The following SPTAN1 variants were observed in gnomAD, a reference collection of about 807,000 sequenced individuals.
SPTAN1 encodes the protein spectrin alpha, non-erythrocytic 1.
A neutral mutation model predicts 331.3 loss-of-function variants in SPTAN1; 61 were observed. The observed-to-expected ratio is 0.18, with a 90% CI of 0.15 to 0.23. SPTAN1 has a LOEUF of 0.23. Among genes scored for constraint, SPTAN1 ranks in the 10% least tolerant of loss-of-function variants. The probability of loss-of-function intolerance (pLI) is 1.00; values close to 1 mark genes in which losing one functional copy is unlikely to be tolerated. For missense variants in SPTAN1, 2,043 were observed against 3,147.9 expected (o/e 0.65, Z 8.40); for synonymous variants, 1,153 against 1,173.9 (o/e 0.98, Z 0.36).
chr9:128,559,362 G>T (rs1849019957), intron 1 of SPTAN1, among the ~76,000 whole-genome samples: 1 of 152,140 alleles, frequency 6.6e-6, no homozygotes, highest in African/African-American at 2.4e-5. Flanking sequence ...TGGAACCTTT[G>T]CGATATTATG....
At chr9:128,608,086 T>TGCTGAAGG in intron 33 of SPTAN1, 37 bp downstream of exon 33, 1 of 1,614,166 alleles carries the variant, frequency 6.2e-7, no homozygotes, top group Non-Finnish European at 8.5e-7. Flanking sequence ...AGTGTTTCCT[T>TGCTGAAGG]GCTGAAGGGC....
chr9:128,568,822 A>C lies in SPTAN1; in HGVS notation c.288A>C (p.Ser96=). The change falls in exon 3 of 57, where the codon TCA becomes TCC. Residue 96 remains serine (S), a synonymous_variant. Coordinates refer to ENST00000372739, the MANE Select transcript of SPTAN1 (RefSeq NM_001130438.3). The part of the protein sequence containing the change: ...QAFEAEVQAN[S]GAIVKLDETG... ...TTGAAGCTGAAGTGCAGGCCAACTC[A>C]GGAGCCATTGTTAAGCTGGATGAAA... 1 of 1,614,176 alleles carries C rather than the reference A, an allele frequency of 6.2e-7. No homozygotes were observed. The highest frequency in any genetic ancestry group is 8.5e-7 in the Non-Finnish European group (1 of 1,180,016).
Position 128,555,459 on chromosome 9 carries a change from A to AGGCAT in SPTAN1, c.-4+2764_-4+2768dup, listed in dbSNP as rs1207630810. On this transcript the variant is annotated intron_variant, in intron 1 of 56. Transcript: ENST00000372739. The stretch of plus-strand genomic sequence containing the variant: ...TTTGGTTTTGCCTGGCTTGCAGTGA[A>AGGCAT]GGCATATTCGTGTCAAAGAGGTTGA... 4 of 1,249,874 alleles carry AGGCAT rather than the reference A, an allele frequency of 3.2e-6. No homozygotes were observed. The Admixed American group carries it at 9.2e-5, about 29-fold the overall frequency. 77.4% of individuals were successfully genotyped at this position (1,249,874 alleles called of 1,614,324 possible).
Position 128,627,763 on chromosome 9 carries a change from C to A in SPTAN1, c.6690-162C>A. The A allele has an allele frequency of 1.0e-6, 1 of 982,856 alleles. No individual in the cohort carries two copies. Among genetic ancestry groups the A allele is most frequent in the Non-Finnish European group, 1.6e-6 (1 of 612,218 alleles). The allele number at this position is 982,856 out of a possible 1,614,324, so 60.9% of individuals were successfully genotyped here. A position where few individuals can be genotyped will look rare whatever the true frequency, so the allele number is the denominator to read the frequency against. The stretch of plus-strand genomic sequence containing the variant: ...ACCATGCAGGGCGCGTGGTCAGCCC[C>A]AGCCATGACTTGGTGACAGACGATG... On this transcript the variant is annotated intron_variant, in intron 50 of 56. Coordinates refer to ENST00000372739, the MANE Select transcript of SPTAN1 (RefSeq NM_001130438.3). This position sits in a 1 kb window ranked among gnomAD's most constrained non-coding sequence, Gnocchi z 4.9.
rs539026038 is a variant in SPTAN1 at position 128,614,741 on chromosome 9, C to T, written c.5149-891C>T. Among the ~76,000 whole-genome samples the T allele has an allele frequency of 1.6e-4, 24 of 152,140 alleles. No homozygotes were observed. The South Asian group carries it at 2.7e-3, about 17-fold the overall frequency. On this transcript the variant is annotated intron_variant, in intron 40 of 56. Transcript: ENST00000372739. ...AGTGTGTGTGTCATGATCACACCACCGCACTCTTGGATGACAGAGCAAGGA... is the reference window on the plus strand; with the variant it reads ...AGTGTGTGTGTCATGATCACACCACTGCACTCTTGGATGACAGAGCAAGGA...
rs1857054636 is a variant in SPTAN1 at position 128,615,489 on chromosome 9, G to A, written c.5149-143G>A. The A allele has an allele frequency of 5.0e-6, 4 of 801,458 alleles. No homozygotes were observed. In the Admixed American group the frequency reaches 6.0e-5, roughly 12 times the overall value. 49.6% of individuals were successfully genotyped at this position (801,458 alleles called of 1,614,324 possible). On this transcript the variant is annotated intron_variant, in intron 40 of 56. Coordinates refer to ENST00000372739, the MANE Select transcript of SPTAN1 (RefSeq NM_001130438.3). Reference sequence around the variant, plus strand: ...TTATAATGTTATGAAAATAGTGTGAGTTGATAGAATGCCAGAGGTCCACAT... The same window carrying A: ...TTATAATGTTATGAAAATAGTGTGAATTGATAGAATGCCAGAGGTCCACAT...
At chr9:128,559,643 A>G (rs528500533) in intron 1 of SPTAN1, among the ~76,000 whole-genome samples, 6 of 152,284 alleles carry the variant, frequency 3.9e-5, no homozygotes, top group African/African-American at 9.6e-5. Context: ...TTTCCATCTT[A>G]ACTGTTTCCT....
rs570186441 is a variant in SPTAN1, at chr9:128,609,598, T to C, written c.4759-53T>C. On this transcript the variant is annotated intron_variant, in intron 36 of 56. Transcript: ENST00000372739. Reference sequence around the variant, plus strand: ...ATGAGTTTCTATTTAATAGCTGATATGTGTGTCCACATCAGTGTACTGAAC... The same window carrying C: ...ATGAGTTTCTATTTAATAGCTGATACGTGTGTCCACATCAGTGTACTGAAC... 98 of 1,441,012 alleles carry C rather than the reference T, an allele frequency of 6.8e-5. No homozygotes were observed. The African/African-American group carries it at 9.6e-4, about 14-fold the overall frequency. 89.3% of individuals were successfully genotyped at this position (1,441,012 alleles called of 1,614,324 possible). A position where few individuals can be genotyped will look rare whatever the true frequency, so the allele number is the denominator to read the frequency against.
chr9:128,633,506 C>G lies in SPTAN1; in HGVS notation c.*172C>G. 2 of 1,210,844 alleles carry G rather than the reference C, an allele frequency of 1.7e-6. No individual in the cohort carries two copies. Among genetic ancestry groups the G allele is most frequent in the Non-Finnish European group, 2.4e-6 (2 of 841,574 alleles). 75.0% of individuals were successfully genotyped at this position (1,210,844 alleles called of 1,614,324 possible). A position where few individuals can be genotyped will look rare whatever the true frequency, so the allele number is the denominator to read the frequency against. On this transcript the variant is annotated 3_prime_UTR_variant, in exon 57 of 57. Transcript: ENST00000372739. The stretch of plus-strand genomic sequence containing the variant: ...CCGCTTCCGGTCCAGTCACAATCAT[C>G]ATGTCACTGTGGGGACCCAGATCTG...
chr9:128,578,755 G>C (rs1287762087), intron 9 of SPTAN1, among the ~76,000 whole-genome samples: 1 of 151,400 alleles, frequency 6.6e-6, no homozygotes, highest in Non-Finnish European at 1.5e-5. Flanking sequence ...CTTGAACCCG[G>C]GAGGCAGAGG....
At chr9:128,604,490 C>A in intron 29 of SPTAN1, 73 bp downstream of exon 29, 2 of 1,458,038 alleles carry the variant, frequency 1.4e-6, no homozygotes, top group East Asian at 2.4e-5. Flanking sequence ...CCCAAGCTTG[C>A]TGACTGAGAT....
chr9:128,608,369 A>G (rs1249384731), intron 34 of SPTAN1, 93 bp downstream of exon 34: 6 of 1,488,710 alleles, frequency 4.0e-6, no homozygotes, highest in Non-Finnish European at 5.6e-6. Context: ...TCTCCAAGGA[A>G]TACCTGCGTT....
chr9:128,606,569 C>T (rs1243779441), intron 31 of SPTAN1, among the ~76,000 whole-genome samples: 3 of 150,884 alleles, frequency 2.0e-5, no homozygotes, highest in Admixed American at 6.6e-5. Context: ...CCGCAACCTC[C>T]GCCTCCTGGG....
intron 45 of SPTAN1, among the ~76,000 whole-genome samples, chr9:128,622,918 A>G (rs1858108504): frequency 1.3e-5 from 2 of 150,462 alleles, no homozygotes; most frequent in South Asian, 4.2e-4. Flanking sequence ...ACGCCCAGCT[A>G]ATTTTTGTAT....
intron 24 of SPTAN1, among the ~76,000 whole-genome samples, chr9:128,594,680 C>T (rs1314838941): frequency 6.6e-6 from 1 of 151,850 alleles, no homozygotes; most frequent in Non-Finnish European, 1.5e-5. Context: ...GATCCACCCG[C>T]CTCAGGCTCC....
chr9:128,628,071 C>T (rs772399471), intron 51 of SPTAN1, 129 bp downstream of exon 51: 5 of 1,152,414 alleles, frequency 4.3e-6, no homozygotes, highest in South Asian at 1.2e-5. Flanking sequence ...CTTCCCCTCC[C>T]ACCCTTCTCG....
At chr9:128,583,701 C>A in intron 15 of SPTAN1, 87 bp from the exon 16 acceptor site, 1 of 1,405,070 alleles carries the variant, frequency 7.1e-7, no homozygotes, top group Non-Finnish European at 1.0e-6. Flanking sequence ...CCTGTATAGT[C>A]CTTCACTAAG....
intron 48 of SPTAN1, 172 bp from the exon 49 acceptor site, chr9:128,626,219 A>G: frequency 1.0e-6 from 1 of 989,970 alleles, no homozygotes; most frequent in Non-Finnish European, 1.6e-6. Context: ...AGGGGAAAAA[A>G]GGCTGGTGAA....
At position 128,577,034 on chromosome 9, in the gene SPTAN1, A is replaced by C; in HGVS notation, c.785+78A>C. ...GTGAAGCACAGGGCATGTGCTGGTGAGCTGTCGAGGCTGACTAGGCCTTGG... is the reference window on the plus strand; with the variant it reads ...GTGAAGCACAGGGCATGTGCTGGTGCGCTGTCGAGGCTGACTAGGCCTTGG... On this transcript the variant is annotated intron_variant, in intron 6 of 56. Coordinates refer to ENST00000372739, the MANE Select transcript of SPTAN1 (RefSeq NM_001130438.3). The surrounding 1 kb of genome is among the most constrained non-coding windows in gnomAD (Gnocchi z 4.2). 1.2e-6 allele frequency: 2 copies of C among 1,613,876 alleles called. No individual in the cohort carries two copies. Among genetic ancestry groups the C allele is most frequent in the Non-Finnish European group, 1.7e-6 (2 of 1,179,996 alleles).
Sources: allele counts gnomAD v4.1 joint callset (sites outside exome capture counted in the v4.1 genomes callset), GRCh38; gene constraint gnomAD v4.1.1; non-coding constraint Gnocchi (gnomAD v3.1); transcripts MANE v1.5; gene names NCBI Gene and HGNC (gene_info 2026-07-23, HGNC 2026-07-21).